The following GRID2 variants were observed in gnomAD, a reference collection of about 807,000 sequenced individuals.
GRID2 encodes glutamate receptor ionotropic, delta-2.
In GRID2, 33 loss-of-function variants were observed where a neutral mutation model predicts 114.8. That is an observed-to-expected ratio of 0.29 (90% CI 0.22 to 0.38). GRID2 has a LOEUF of 0.38. Ranked by LOEUF, GRID2 falls within the 10% of genes least tolerant of loss-of-function variation. The pLI is 1.00. For missense variants in GRID2, 1,184 were observed against 1,257.7 expected, an observed-to-expected ratio of 0.94 and a Z score of 0.89; for synonymous variants, 505 against 449.9, an observed-to-expected ratio of 1.12 and a Z score of -1.55.
chr4:92,308,295 G>A (rs1725517700), intron 1 of GRID2, among the ~76,000 whole-genome samples: 1 of 152,078 alleles, frequency 6.6e-6, no homozygotes, highest in Admixed American at 6.5e-5. Flanking sequence ...TGGTTCCTGT[G>A]CTCACAGAAC....
intron 2 of GRID2, among the ~76,000 whole-genome samples, chr4:92,705,686 T>G (rs1278613819): frequency 1.3e-5 from 2 of 152,232 alleles, no homozygotes; most frequent in African/African-American, 4.8e-5. Context: ...TTCTTGCAAC[T>G]GCCTTCAGCT....
intron 8 of GRID2, among the ~76,000 whole-genome samples, chr4:93,294,849 C>T (rs1020234165): frequency 2.6e-5 from 4 of 152,158 alleles, no homozygotes; most frequent in Non-Finnish European, 5.9e-5. Flanking sequence ...CATGAGCCAC[C>T]GTGCCCAGTT....
At chr4:93,080,012 T>G (rs1054044785) in intron 2 of GRID2, among the ~76,000 whole-genome samples, 1 of 152,144 alleles carries the variant, frequency 6.6e-6, no homozygotes, top group African/African-American at 2.4e-5. Flanking sequence ...GCAAGCTTTA[T>G]TTGGAAGAAT....
chr4:93,046,507 G>GA (rs1726150951), intron 2 of GRID2, among the ~76,000 whole-genome samples: 1 of 151,982 alleles, frequency 6.6e-6, no homozygotes, highest in Admixed American at 6.6e-5. Context: ...AAAAAGTTTA[G>GA]AAAGTTTACA....
chr4:93,271,230 G>A (rs1268447765), intron 8 of GRID2, among the ~76,000 whole-genome samples: 1 of 152,156 alleles, frequency 6.6e-6, no homozygotes, highest in East Asian at 1.9e-4. Context: ...AATGCCAGGG[G>A]TTCAGGAAGA....
chr4:92,951,333 T>A lies in GRID2; in HGVS notation c.245-133662T>A, dbSNP rs569920703. ...TTGTTCTCCAAAAATTCGCAAAATT[T>A]TTTATTTATTTATTTATTTATTTAT... On this transcript the variant is annotated intron_variant, in intron 2 of 15. Coordinates refer to ENST00000282020, the MANE Select transcript of GRID2 (RefSeq NM_001510.4). 1.6e-4 allele frequency among the ~76,000 whole-genome samples: 24 copies of A among 150,496 alleles called. No individual in the cohort carries two copies. The South Asian group carries it at 2.9e-3, about 18-fold the overall frequency.
chr4:92,317,878 A>G lies in GRID2; in HGVS notation c.88+13134A>G, dbSNP rs1447835142. On this transcript the variant is annotated intron_variant, in intron 1 of 15. Transcript: ENST00000282020. ...TCCAGGGGTAATGCTGCTGACAACCAGGGCCCCAGTGATTGGCTCAGTTGC... is the reference window on the plus strand; with the variant it reads ...TCCAGGGGTAATGCTGCTGACAACCGGGGCCCCAGTGATTGGCTCAGTTGC... Among the ~76,000 whole-genome samples, 3 of 152,262 alleles carry G rather than the reference A, an allele frequency of 2.0e-5. No individual in the cohort carries two copies. In the East Asian group the frequency reaches 5.8e-4, roughly 29 times the overall value.
In GRID2 at chr4:93,257,970, ATG is replaced by A. The variant is rs929411475; in HGVS notation, c.1245+19488_1245+19489del. On this transcript the variant is annotated intron_variant, in intron 8 of 15. Transcript: ENST00000282020. ...ATGTATATATACATATACACACAAT[ATG>A]TGTGTGTATATATATATATATATAT... Among the ~76,000 whole-genome samples the A allele has an allele frequency of 1.2e-4, 10 of 86,608 alleles. No homozygotes were observed. In the East Asian group the frequency reaches 1.6e-3, roughly 14 times the overall value. The allele number at this position is 86,608 out of a possible 152,430, so 56.8% of individuals were successfully genotyped here.
At chr4:93,204,944 A>T (rs749062472) in intron 4 of GRID2, among the ~76,000 whole-genome samples, 1 of 152,134 alleles carries the variant, frequency 6.6e-6, no homozygotes, top group Non-Finnish European at 1.5e-5. Flanking sequence ...CTGCCTATCT[A>T]TTGGTATTCA....
Position 93,307,485 on chromosome 4 carries a change from A to T in GRID2, c.1245+68995A>T, listed in dbSNP as rs547846799. Among the ~76,000 whole-genome samples the T allele has an allele frequency of 1.1e-3, 160 of 151,776 alleles. 2 individuals are homozygous for T. The highest frequency in any genetic ancestry group is 3.6e-3 in the African/African-American group (147 of 41,408). On this transcript the variant is annotated intron_variant, in intron 8 of 15. Transcript: ENST00000282020. ...TCTTCACAGCTTTGTTTATTTTTAA[A>T]TTTTTTTTAGTAATCCCTCTTTGAA... is the stretch of plus-strand genomic sequence containing the variant.
chr4:92,575,363 A>C (rs551401924), intron 1 of GRID2, among the ~76,000 whole-genome samples: 1 of 152,230 alleles, frequency 6.6e-6, no homozygotes, highest in Admixed American at 6.5e-5. Flanking sequence ...TGCTGGTGAG[A>C]TGGTTCAGTC....
At position 92,730,313 on chromosome 4, in the gene GRID2, A is replaced by G. The variant is rs533525919; in HGVS notation, c.244+140027A>G. On this transcript the variant is annotated intron_variant, in intron 2 of 15. Coordinates refer to ENST00000282020, the MANE Select transcript of GRID2 (RefSeq NM_001510.4). ...GCAATGGTGATCTCAGCTATTTTTA[A>G]AGGAAGCTTCGTTTTTTTCTCTCCA... Among the ~76,000 whole-genome samples the G allele has an allele frequency of 5.8e-4, 88 of 152,038 alleles. 3 individuals carry two copies. The South Asian group carries it at 0.012, about 21-fold the overall frequency.
chr4:93,713,700 A>G (rs562215557), intron 14 of GRID2, among the ~76,000 whole-genome samples: 2 of 152,164 alleles, frequency 1.3e-5, no homozygotes, highest in Admixed American at 6.5e-5. Flanking sequence ...GAATAAATAA[A>G]CCCTAAAACA....
intron 1 of GRID2, among the ~76,000 whole-genome samples, chr4:92,307,699 A>G (rs1025526314): frequency 2.0e-5 from 3 of 152,036 alleles, no homozygotes; most frequent in Admixed American, 2.0e-4. Flanking sequence ...GCACAATTTT[A>G]TGATTACTTT....
At chr4:92,433,645 C>T (rs1250455486) in intron 1 of GRID2, among the ~76,000 whole-genome samples, 2 of 152,258 alleles carry the variant, frequency 1.3e-5, no homozygotes, top group Admixed American at 6.5e-5. Context: ...CTTTCCACCC[C>T]CTTCAGTGCC....
chr4:93,329,313 T>C (rs906786829), intron 8 of GRID2, among the ~76,000 whole-genome samples: 1 of 152,154 alleles, frequency 6.6e-6, no homozygotes, highest in Non-Finnish European at 1.5e-5. Flanking sequence ...ATTAATACAT[T>C]GAATTTATAT....
Position 92,795,481 on chromosome 4 carries a change from C to T in GRID2, c.244+205195C>T, listed in dbSNP as rs137914929. On this transcript the variant is annotated intron_variant, in intron 2 of 15. Transcript: ENST00000282020. ...AAACCTCCTTTTCTTCCCAGTCTCA[C>T]GTATGTCTTTATCAGTAGCCTGAAA... is the stretch of plus-strand genomic sequence containing the variant. 2.3e-3 allele frequency among the ~76,000 whole-genome samples: 357 copies of T among 152,020 alleles called. 1 individual carries two copies. Among genetic ancestry groups the T allele is most frequent in the African/African-American group, 7.8e-3 (324 of 41,514 alleles).
At chr4:93,310,849 A>G (rs1047234340) in intron 8 of GRID2, among the ~76,000 whole-genome samples, 3 of 152,184 alleles carry the variant, frequency 2.0e-5, no homozygotes, top group Non-Finnish European at 4.4e-5. Context: ...CTCTAAATTG[A>G]TCTGCAAGAA....
Position 93,371,945 on chromosome 4 carries a change from A to G in GRID2, c.1246-23662A>G, listed in dbSNP as rs373631493. On this transcript the variant is annotated intron_variant, in intron 8 of 15. Transcript: ENST00000282020. Reference sequence around the variant, plus strand: ...GTATTCTTAGTAGAGACGGGGTTTTACCATGTTGGCCAGGCTGGTCTCAAA... The same window carrying G: ...GTATTCTTAGTAGAGACGGGGTTTTGCCATGTTGGCCAGGCTGGTCTCAAA... Among the ~76,000 whole-genome samples the G allele has an allele frequency of 1.3e-4, 20 of 151,754 alleles. No homozygotes were observed. The East Asian group carries it at 2.5e-3, about 19-fold the overall frequency.
Sources: allele counts gnomAD v4.1 joint callset (sites outside exome capture counted in the v4.1 genomes callset), GRCh38; gene constraint gnomAD v4.1.1; transcripts MANE v1.5; gene names NCBI Gene and HGNC (gene_info 2026-07-23, HGNC 2026-07-21).